Variants in CPVL observed in about 807,000 individuals in gnomAD.
CPVL encodes probable serine carboxypeptidase CPVL.
In CPVL, 51 loss-of-function variants were observed where a neutral mutation model predicts 63.7. That is an observed-to-expected ratio of 0.80 (90% CI 0.64 to 1.01). CPVL has a LOEUF of 1.01. Among genes scored for constraint, CPVL ranks in the 50% least tolerant of loss-of-function variants. CPVL has a pLI of 0.00. For synonymous variants in CPVL, 195 were observed against 206.0 expected (o/e 0.95, Z 0.46); for missense variants, 530 against 573.1 (o/e 0.92, Z 0.77).
chr7:29,107,071 C>G (rs914273757), intron 3 of CPVL, among the ~76,000 whole-genome samples: 1 of 152,250 alleles, frequency 6.6e-6, no homozygotes, highest in East Asian at 1.9e-4. Flanking sequence ...TTCCTCTCCA[C>G]AGAGGCTCAG....
intron 11 of CPVL, among the ~76,000 whole-genome samples, chr7:29,042,377 A>C (rs1365980984): frequency 6.6e-6 from 1 of 152,088 alleles, no homozygotes; most frequent in Non-Finnish European, 1.5e-5. Flanking sequence ...CTGAGGTAGG[A>C]GGATCACTTG....
chr7:29,101,287 T>C (rs917642813), intron 3 of CPVL, among the ~76,000 whole-genome samples: 5 of 152,264 alleles, frequency 3.3e-5, no homozygotes, highest in Admixed American at 6.5e-5. Context: ...AGACAATTAA[T>C]GCATTTATTT....
intron 7 of CPVL, among the ~76,000 whole-genome samples, chr7:29,085,682 C>T (rs323195): frequency 0.018 from 2,685 of 152,310 alleles, 91 homozygotes; most frequent in African/African-American, 0.062. Context: ...CAAGATCTGG[C>T]AGACACCACC....
At position 29,066,104 on chromosome 7, in the gene CPVL, T is replaced by C; in HGVS notation, c.882A>G (p.Leu294=). Reference sequence around the variant, plus strand: ...AAGGATCACTTGTTAAGTCGCCATCTAGTAGTTTATCCAGTATCTAGGTTG... The same window carrying C: ...AAGGATCACTTGTTAAGTCGCCATCCAGTAGTTTATCCAGTATCTAGGTTG... The part of the protein sequence containing the change: ...FEAFEILDKL[L]DGDLTSDPSY... The change falls in exon 10 of 13, where the codon CTA becomes CTG. Residue 294 remains leucine, a synonymous_variant. Transcript: ENST00000265394. 1 of 1,591,758 alleles carries C rather than the reference T, an allele frequency of 6.3e-7. No individual in the cohort carries two copies. Among genetic ancestry groups the C allele is most frequent in the Non-Finnish European group, 8.6e-7 (1 of 1,161,698 alleles).
At chr7:29,180,570 T>C (rs375887578) in intron 5 of CPVL, among the ~76,000 whole-genome samples, 1 of 151,908 alleles carries the variant, frequency 6.6e-6, no homozygotes, top group East Asian at 1.9e-4. Flanking sequence ...TCTAAATTGA[T>C]ATAAAAATGA....
chr7:29,160,694 T>C (rs1226227989), intron 5 of CPVL, among the ~76,000 whole-genome samples: 1 of 152,146 alleles, frequency 6.6e-6, no homozygotes, highest in Non-Finnish European at 1.5e-5. Flanking sequence ...GGTGCTGTGG[T>C]AGCCATCTTG....
exon 4 of CPVL, chr7:29,184,491 A>G (rs1289246497): frequency 6.6e-6 from 1 of 152,180 alleles, no homozygotes; most frequent in Non-Finnish European, 1.5e-5. Flanking sequence ...CTGATGGTAT[A>G]GTTCCTGTCA....
chr7:29,079,568 A>C (rs2128587260), intron 7 of CPVL, among the ~76,000 whole-genome samples: 2 of 152,362 alleles, frequency 1.3e-5, no homozygotes, highest in Middle Eastern at 6.8e-3. Flanking sequence ...CATGATGTCT[A>C]CCATACAGTC....
chr7:29,016,163 CA>C (rs1786385768), intron 12 of CPVL, among the ~76,000 whole-genome samples: 1 of 151,992 alleles, frequency 6.6e-6, no homozygotes, highest in South Asian at 2.1e-4. Context: ...CCAGCTTGGC[CA>C]ATATGGTGAA....
chr7:29,193,181 C>T (rs945147570), intron 1 of CPVL: 4 of 152,132 alleles, frequency 2.6e-5, no homozygotes, highest in African/African-American at 7.2e-5. Context: ...GCTCACACTC[C>T]TTTAACAGTT....
intron 1 of CPVL, among the ~76,000 whole-genome samples, chr7:29,123,628 A>AAAAAAATATATATATAT (rs1562780901): frequency 2.4e-5 from 1 of 41,754 alleles, no homozygotes; most frequent in African/African-American, 1.1e-4. Context: ...AAAAAAAAAA[A>AAAAAAATATATATATAT]ATATATATAT....
At chr7:29,083,103 G>A (rs1209454883) in intron 7 of CPVL, among the ~76,000 whole-genome samples, 2 of 152,198 alleles carry the variant, frequency 1.3e-5, no homozygotes, top group South Asian at 2.1e-4. Flanking sequence ...AACCTAAAGT[G>A]TAGTATGCTA....
chr7:29,103,504 C>T (rs1002749508), intron 3 of CPVL, among the ~76,000 whole-genome samples: 3 of 151,228 alleles, frequency 2.0e-5, no homozygotes, highest in East Asian at 1.9e-4. Flanking sequence ...CTGCCTGCCT[C>T]GGCCTCCCAA....
chr7:29,036,693 A>G (rs920293080), intron 11 of CPVL, among the ~76,000 whole-genome samples: 2 of 152,202 alleles, frequency 1.3e-5, no homozygotes, highest in Non-Finnish European at 2.9e-5. Flanking sequence ...TGAAGCCTGG[A>G]ATTCAAAATC....
chr7:29,005,480 C>T (rs1040963645), intron 12 of CPVL, among the ~76,000 whole-genome samples: 6 of 152,100 alleles, frequency 3.9e-5, no homozygotes, highest in Non-Finnish European at 8.8e-5. Flanking sequence ...GGAAAAGGCC[C>T]CAATGAAATT....
intron 2 of CPVL, among the ~76,000 whole-genome samples, chr7:29,185,818 C>T (rs1271129100): frequency 6.6e-6 from 1 of 152,068 alleles, no homozygotes; most frequent in East Asian, 1.9e-4. Context: ...AGGGGCCTGC[C>T]CCTGGATGTG....
chr7:29,146,227 C>T, intron 1 of CPVL: 1 of 183,314 alleles, frequency 5.5e-6, no homozygotes, highest in Non-Finnish European at 1.1e-5. Flanking sequence ...GCTGGGCGCA[C>T]GCAGTACATC....
chr7:29,169,002 G>T (rs1584525708), intron 5 of CPVL, among the ~76,000 whole-genome samples: 1 of 152,076 alleles, frequency 6.6e-6, no homozygotes, highest in East Asian at 1.9e-4. Context: ...GGAAGTCCTG[G>T]TTATTAGAAT....
intron 5 of CPVL, among the ~76,000 whole-genome samples, chr7:29,173,882 G>A (rs570430082): frequency 6.6e-6 from 1 of 151,564 alleles, no homozygotes; most frequent in Non-Finnish European, 1.5e-5. Flanking sequence ...GACCTGGGAG[G>A]TGGAGGCTGC....
Sources: allele counts gnomAD v4.1 joint callset (sites outside exome capture counted in the v4.1 genomes callset), GRCh38; gene constraint gnomAD v4.1.1; transcripts MANE v1.5; gene names NCBI Gene and HGNC (gene_info 2026-07-23, HGNC 2026-07-21).